TMEM178B: variants seen among roughly 807,000 people sequenced by gnomAD.
The protein encoded by TMEM178B is transmembrane protein 178B.
A neutral mutation model predicts 31.0 loss-of-function variants in TMEM178B; 5 were observed. The observed-to-expected ratio is 0.16, with a 90% confidence interval of 0.08 to 0.34. The LOEUF is 0.34. TMEM178B is among the 10% of genes least tolerant of loss of function. TMEM178B has a pLI of 1.00. For missense variants in TMEM178B, 275 were observed against 400.3 expected, an observed-to-expected ratio of 0.69 and a Z score of 2.67; for synonymous variants, 164 against 164.0, an observed-to-expected ratio of 1.00 and a Z score of 0.00.
At chr7:141,357,800 A>G (rs182156321) in intron 2 of TMEM178B, among the ~76,000 whole-genome samples, 3 of 152,354 alleles carry the variant, frequency 2.0e-5, no homozygotes, top group Non-Finnish European at 4.4e-5. Flanking sequence ...ATAACTAGGT[A>G]GCATTATTAT....
intron 1 of TMEM178B, among the ~76,000 whole-genome samples, chr7:141,098,257 G>C (rs1345787700): frequency 1.3e-5 from 2 of 152,060 alleles, no homozygotes; most frequent in Non-Finnish European, 2.9e-5. Flanking sequence ...TGAAACTTTT[G>C]GTACTGGAAA....
At chr7:141,235,506 C>T (rs1797514102) in intron 2 of TMEM178B, among the ~76,000 whole-genome samples, 1 of 152,116 alleles carries the variant, frequency 6.6e-6, no homozygotes, top group African/African-American at 2.4e-5. Context: ...AATTTTATAG[C>T]TAGAAGTGAC....
intron 2 of TMEM178B, among the ~76,000 whole-genome samples, chr7:141,301,724 G>A (rs1298620605): frequency 6.6e-6 from 1 of 152,220 alleles, no homozygotes; most frequent in South Asian, 2.1e-4. Flanking sequence ...CCTGTGGTGT[G>A]TGGGACCTGT....
chr7:141,197,580 C>T (rs1287194745), intron 1 of TMEM178B, among the ~76,000 whole-genome samples: 2 of 152,104 alleles, frequency 1.3e-5, no homozygotes, highest in African/African-American at 4.8e-5. Context: ...AAACATAATT[C>T]ATCTATTTGG....
rs1794563762 is a variant in TMEM178B at position 141,074,492 on chromosome 7, A to G, written c.182A>G (p.Asn61Ser). 2 of 1,535,808 alleles carry G rather than the reference A, an allele frequency of 1.3e-6. No homozygotes were observed. The highest frequency in any genetic ancestry group is 1.7e-6 in the Non-Finnish European group (2 of 1,146,826). Residue 61 changes from asparagine (N) to serine (S), a missense_variant, in exon 1 of 4, where the codon AAC becomes AGC. Transcript: ENST00000565468. The surrounding 1 kb of genome is among the most constrained non-coding windows in gnomAD (Gnocchi z 5.1). ...CCCGGCTTCATTTACAACAATAACAACAACTTGCCGCTCCGGGCGAGCCGC... is the reference window on the plus strand; with the variant it reads ...CCCGGCTTCATTTACAACAATAACAGCAACTTGCCGCTCCGGGCGAGCCGC... ...VDPGFIYNNN[N>S]NLPLRASRSR...
intron 2 of TMEM178B, among the ~76,000 whole-genome samples, chr7:141,365,768 T>G (rs1799993386): frequency 6.6e-6 from 1 of 152,196 alleles, no homozygotes; most frequent in Admixed American, 6.5e-5. Flanking sequence ...CATATTGGAT[T>G]AAGGGCCTAC....
chr7:141,091,180 G>A (rs1794874655), intron 1 of TMEM178B, among the ~76,000 whole-genome samples: 2 of 152,100 alleles, frequency 1.3e-5, no homozygotes, highest in African/African-American at 4.8e-5. Flanking sequence ...GTTGTATAAA[G>A]TGCTATAGGT....
At chr7:141,160,704 T>G (rs1433447620) in intron 1 of TMEM178B, among the ~76,000 whole-genome samples, 1 of 152,174 alleles carries the variant, frequency 6.6e-6, no homozygotes, top group Non-Finnish European at 1.5e-5. Context: ...TTCCTTATGG[T>G]GGGTCTGAGT....
chr7:141,404,744 G>A (rs1019410693), intron 2 of TMEM178B, among the ~76,000 whole-genome samples: 2 of 152,156 alleles, frequency 1.3e-5, no homozygotes, highest in African/African-American at 2.4e-5. Flanking sequence ...ATATCTTTTG[G>A]TATAAATTCA....
intron 1 of TMEM178B, among the ~76,000 whole-genome samples, chr7:141,113,390 C>CTTGAAAACCATTGGAA (rs1795266331): frequency 6.6e-6 from 1 of 152,172 alleles, no homozygotes; most frequent in African/African-American, 2.4e-5. Context: ...CACCATCAGA[C>CTTGAAAACCATTGGAA]TTGAAAACCA....
chr7:141,334,177 A>AATGTGTGGCACTTGC (rs1259243515), intron 2 of TMEM178B, among the ~76,000 whole-genome samples: 1 of 152,192 alleles, frequency 6.6e-6, no homozygotes, highest in African/African-American at 2.4e-5. Flanking sequence ...CTTCTCTGGA[A>AATGTGTGGCACTTGC]ATGTGTGGCA....
chr7:141,223,536 T>A (rs1358945635), intron 2 of TMEM178B, among the ~76,000 whole-genome samples: 2 of 149,334 alleles, frequency 1.3e-5, no homozygotes, highest in African/African-American at 5.0e-5. Flanking sequence ...ACTTTGGAGG[T>A]CATAGCCAAG....
chr7:141,172,686 A>G (rs1234905738), intron 1 of TMEM178B, among the ~76,000 whole-genome samples: 2 of 152,220 alleles, frequency 1.3e-5, no homozygotes, highest in Admixed American at 6.5e-5. Flanking sequence ...GGATGAGAAC[A>G]GAAATGATTG....
intron 2 of TMEM178B, among the ~76,000 whole-genome samples, chr7:141,349,182 T>G (rs1799669593): frequency 6.6e-6 from 1 of 152,232 alleles, no homozygotes; most frequent in Non-Finnish European, 1.5e-5. Flanking sequence ...TTTTAAAGTA[T>G]TCTATTTCTG....
Position 141,406,941 on chromosome 7 carries a change from A to G in TMEM178B, c.497-30667A>G, listed in dbSNP as rs1800896171. ...TCACTGTAATGAATTAGGGAAGGGG[A>G]AAAAAGTATCTTAAATGGGGCAAGG... On this transcript the variant is annotated intron_variant, in intron 2 of 3. Coordinates refer to ENST00000565468, the MANE Select transcript of TMEM178B (RefSeq NM_001195278.2). 2.0e-5 allele frequency among the ~76,000 whole-genome samples: 3 copies of G among 148,648 alleles called. No individual in the cohort carries two copies. In the South Asian group the frequency reaches 6.3e-4, roughly 31 times the overall value.
chr7:141,337,197 T>G (rs797006330), intron 2 of TMEM178B, among the ~76,000 whole-genome samples: 1 of 19,076 alleles, frequency 5.2e-5, no homozygotes, highest in Non-Finnish European at 9.8e-5. Flanking sequence ...ACCACCACCA[T>G]CACCACCACC....
At chr7:141,311,598 ATGG>A (rs1389075462) in intron 2 of TMEM178B, among the ~76,000 whole-genome samples, 1 of 152,196 alleles carries the variant, frequency 6.6e-6, no homozygotes. Flanking sequence ...TTTATTTTGT[ATGG>A]TTAAATCTAC....
chr7:141,426,793 C>T (rs937359504), intron 2 of TMEM178B, among the ~76,000 whole-genome samples: 5 of 151,888 alleles, frequency 3.3e-5, no homozygotes, highest in Admixed American at 6.6e-5. Flanking sequence ...AGAGAGAAAA[C>T]CCTAAACACT....
At chr7:141,129,304 C>T (rs1795556837) in intron 1 of TMEM178B, among the ~76,000 whole-genome samples, 1 of 152,166 alleles carries the variant, frequency 6.6e-6, no homozygotes. Context: ...TCTGAGATGT[C>T]ATATAAGAAA....
Sources: allele counts gnomAD v4.1 joint callset (sites outside exome capture counted in the v4.1 genomes callset), GRCh38; gene constraint gnomAD v4.1.1; non-coding constraint Gnocchi (gnomAD v3.1); transcripts MANE v1.5; gene names NCBI Gene and HGNC (gene_info 2026-07-23, HGNC 2026-07-21).